The following ZNF491 variants were observed in gnomAD, a reference collection of about 807,000 sequenced individuals.
ZNF491 encodes zinc finger protein 491.
Under a neutral mutation model 34.7 loss-of-function variants are expected in ZNF491, and 22 were observed. The ratio of observed to expected loss-of-function variants is 0.63; its 90% CI spans 0.45 to 0.90. The LOEUF is 0.90. Ranked by LOEUF, ZNF491 falls within the 40% of genes least tolerant of loss-of-function variation. The pLI is 0.00. For missense variants in ZNF491, 559 were observed against 531.7 expected (o/e 1.05, Z -0.51); for synonymous variants, 148 against 174.3 (o/e 0.85, Z 1.19).
chr19:11,807,227 A>C lies in ZNF491; in HGVS notation c.1274A>C (p.Tyr425Ser). The change falls in exon 3 of 3, where the codon TAC (tyrosine) becomes TCC (serine). Residue 425 changes from tyrosine to serine, a missense_variant. Physicochemically the swap from Tyr to Ser is moderately radical, Grantham distance 144. Transcript: ENST00000323169. Reference sequence around the variant, plus strand: ...GGGAAAGCCTTCATTCGTTCCAGTTACTGTCGAAAACATGAAAGAACTCAC... The same window carrying C: ...GGGAAAGCCTTCATTCGTTCCAGTTCCTGTCGAAAACATGAAAGAACTCAC... ...ECGKAFIRSSYCRKHERTHTI... is the reference protein window; with the variant it reads ...ECGKAFIRSSSCRKHERTHTI... 1 of 1,562,716 alleles carries C rather than the reference A, an allele frequency of 6.4e-7. No homozygotes were observed.
In ZNF491 at chr19:11,799,897, A is replaced by C. The variant is rs375961954; in HGVS notation, c.-134+1170A>C. Among the ~76,000 whole-genome samples, 8 of 151,474 alleles carry C rather than the reference A, an allele frequency of 5.3e-5. No individual in the cohort carries two copies. The East Asian group carries it at 1.2e-3, about 22-fold the overall frequency. On this transcript the variant is annotated intron_variant, in intron 1 of 2. Coordinates refer to ENST00000323169, the MANE Select transcript of ZNF491 (RefSeq NM_152356.4). ...GCGTGAGCCGAGATGGTGCCACTGCACTCCAGCCTGGCGACAGAGCGAGAC... is the reference window on the plus strand; with the variant it reads ...GCGTGAGCCGAGATGGTGCCACTGCCCTCCAGCCTGGCGACAGAGCGAGAC...
At chr19:11,804,768 G>A (rs991114687) in intron 2 of ZNF491, 101 bp downstream of exon 2, 27 of 494,252 alleles carry the variant, frequency 5.5e-5, no homozygotes, top group African/African-American at 2.7e-4. Flanking sequence ...GCAATCCTTC[G>A]ATGAACAAAT....
At chr19:11,801,213 A>G (rs1445481620) in intron 1 of ZNF491, among the ~76,000 whole-genome samples, 2 of 152,162 alleles carry the variant, frequency 1.3e-5, no homozygotes, top group Admixed American at 1.3e-4. Context: ...AAAAAATTAT[A>G]TTTTGTTTAT....
At chr19:11,801,441 G>T (rs1975558572) in intron 1 of ZNF491, among the ~76,000 whole-genome samples, 1 of 152,040 alleles carries the variant, frequency 6.6e-6, no homozygotes, top group African/African-American at 2.4e-5. Context: ...TGGATCATGA[G>T]GTCAGGAGTT....
Position 11,807,286 on chromosome 19 carries a change from ATTTT to A in ZNF491, c.*21_*24del, listed in dbSNP as rs1975630114. 1 of 1,485,590 alleles carries A rather than the reference ATTTT, an allele frequency of 6.7e-7. No homozygotes were observed. 92.0% of individuals were successfully genotyped at this position (1,485,590 alleles called of 1,614,324 possible). On this transcript the variant is annotated 3_prime_UTR_variant, in exon 3 of 3. Coordinates refer to ENST00000323169, the MANE Select transcript of ZNF491 (RefSeq NM_152356.4). ...TATATGAGAGAAATGCTATTTTTTAATTTTTATTTTAATAGAGACAGGGTCTCAC... is the reference window on the plus strand; with the variant it reads ...TATATGAGAGAAATGCTATTTTTTAATATTTTAATAGAGACAGGGTCTCAC...
At position 11,806,161 on chromosome 19, in the gene ZNF491, T is replaced by A. The variant is rs1263871391; in HGVS notation, c.208T>A (p.Phe70Ile). 5 of 1,613,978 alleles carry A rather than the reference T, an allele frequency of 3.1e-6. No homozygotes were observed. In the South Asian group the frequency reaches 4.4e-5, roughly 14 times the overall value. Reference protein sequence around the residue: ...TGHQPHKCQKFLEKPYKHKQR... With the variant: ...TGHQPHKCQKILEKPYKHKQR... ...ACACCAACCACATAAGTGTCAGAAATTTTTAGAGAAGCCATATAAACATAA... is the reference window on the plus strand; with the variant it reads ...ACACCAACCACATAAGTGTCAGAAAATTTTAGAGAAGCCATATAAACATAA... Residue 70 changes from phenylalanine to isoleucine, a missense_variant, in exon 3 of 3, where the codon TTT becomes ATT. Coordinates refer to ENST00000323169, the MANE Select transcript of ZNF491 (RefSeq NM_152356.4).
intron 1 of ZNF491, among the ~76,000 whole-genome samples, chr19:11,799,702 G>C (rs1045022537): frequency 6.6e-6 from 1 of 152,026 alleles, no homozygotes; most frequent in Non-Finnish European, 1.5e-5. Context: ...TTGGGAGGCC[G>C]AGGCGGGCGG....
At chr19:11,802,701 C>T (rs1377558427) in intron 1 of ZNF491, among the ~76,000 whole-genome samples, 2 of 152,118 alleles carry the variant, frequency 1.3e-5, no homozygotes, top group Non-Finnish European at 2.9e-5. Context: ...TGGTGAGATC[C>T]CATGCAAAAT....
Position 11,798,553 on chromosome 19 carries a change from A to C in ZNF491, c.-308A>C, listed in dbSNP as rs996519595. On this transcript the variant is annotated 5_prime_UTR_variant, in exon 1 of 3. Coordinates refer to ENST00000323169, the MANE Select transcript of ZNF491 (RefSeq NM_152356.4). This position sits in a 1 kb window ranked among gnomAD's most constrained non-coding sequence, Gnocchi z 4.0. ...TCAATCCGGGGAAGCAGAAGGCCGC[A>C]CTCAGAGTCTCTGCACTCCTTTGTT... 1.3e-5 allele frequency: 2 copies of C among 152,274 alleles called. No individual in the cohort carries two copies. The highest frequency in any genetic ancestry group is 2.9e-5 in the Non-Finnish European group (2 of 68,156). The allele number at this position is 152,274 out of a possible 1,614,324, so 9.4% of individuals were successfully genotyped here.
chr19:11,805,906 T>A (rs1466841777), intron 2 of ZNF491, 41 bp from the exon 3 acceptor site: 1 of 1,452,250 alleles, frequency 6.9e-7, no homozygotes. Context: ...TTAAATCGCT[T>A]ATAAACAGAC....
In ZNF491 at chr19:11,798,557, A is replaced by T. The variant is rs977115295; in HGVS notation, c.-304A>T. On this transcript the variant is annotated 5_prime_UTR_variant, in exon 1 of 3. Coordinates refer to ENST00000323169, the MANE Select transcript of ZNF491 (RefSeq NM_152356.4). The surrounding 1 kb of genome is among the most constrained non-coding windows in gnomAD (Gnocchi z 4.0). ...TCCGGGGAAGCAGAAGGCCGCACTC[A>T]GAGTCTCTGCACTCCTTTGTTGCTG... is the stretch of plus-strand genomic sequence containing the variant. 3 of 152,446 alleles carry T rather than the reference A, an allele frequency of 2.0e-5. No homozygotes were observed. The highest frequency in any genetic ancestry group is 7.2e-5 in the African/African-American group (3 of 41,562). The allele number at this position is 152,446 out of a possible 1,614,324, so 9.4% of individuals were successfully genotyped here.
Position 11,807,130 on chromosome 19 carries a change from A to G in ZNF491, c.1177A>G (p.Thr393Ala). The change falls in exon 3 of 3, where the codon ACT (threonine) becomes GCT (alanine). Residue 393 changes from threonine (T) to alanine (A), a missense_variant. Coordinates refer to ENST00000323169, the MANE Select transcript of ZNF491 (RefSeq NM_152356.4). ...YECKHCGKAF[T>A]CSIYIRIHER... Reference sequence around the variant, plus strand: ...ATGTAAGCATTGTGGGAAAGCCTTCACTTGTTCCATATATATTAGAATACA... The same window carrying G: ...ATGTAAGCATTGTGGGAAAGCCTTCGCTTGTTCCATATATATTAGAATACA... 1 of 1,612,590 alleles carries G rather than the reference A, an allele frequency of 6.2e-7. No individual in the cohort carries two copies. Among genetic ancestry groups the G allele is most frequent in the East Asian group, 2.2e-5 (1 of 44,826 alleles).
chr19:11,801,041 A>G (rs1282689768), intron 1 of ZNF491, among the ~76,000 whole-genome samples: 1 of 151,426 alleles, frequency 6.6e-6, no homozygotes, highest in African/African-American at 2.4e-5. Context: ...TTTCCTCAAA[A>G]AAACAAAAAC....
chr19:11,804,736 C>A, intron 2 of ZNF491, 69 bp downstream of exon 2: 3 of 837,026 alleles, frequency 3.6e-6, no homozygotes, highest in South Asian at 3.0e-5. Context: ...CAGTGCTATT[C>A]AGGGATTTGG....
chr19:11,804,285 T>C (rs1422450837), intron 1 of ZNF491, among the ~76,000 whole-genome samples: 1 of 144,980 alleles, frequency 6.9e-6, no homozygotes, highest in African/African-American at 2.5e-5. Context: ...ATGAACTCCA[T>C]CCTCTTGCTG....
intron 1 of ZNF491, among the ~76,000 whole-genome samples, chr19:11,799,435 G>T (rs1266459844): frequency 6.6e-6 from 1 of 151,006 alleles, no homozygotes; most frequent in Non-Finnish European, 1.5e-5. Flanking sequence ...TTTATACAAG[G>T]CTAGTTTGTG....
Position 11,804,209 on chromosome 19 carries a change from A to C in ZNF491, c.-133-333A>C, listed in dbSNP as rs375692906. Among the ~76,000 whole-genome samples, 783 of 109,340 alleles carry C rather than the reference A, an allele frequency of 7.2e-3. 26 individuals carry two copies. Among genetic ancestry groups the C allele is most frequent in the Middle Eastern group, 0.02 (5 of 252 alleles). The allele number at this position is 109,340 out of a possible 152,430, so 71.7% of individuals were successfully genotyped here. On this transcript the variant is annotated intron_variant, in intron 1 of 2. Coordinates refer to ENST00000323169, the MANE Select transcript of ZNF491 (RefSeq NM_152356.4). ...CAGAGTGAGGCCCCATCTCAGACAA[A>C]AAAAAAAAAAAAAAAAAAAAAGATC...
At chr19:11,804,206 C>T (rs1336366195) in intron 1 of ZNF491, among the ~76,000 whole-genome samples, 1 of 69,444 alleles carries the variant, frequency 1.4e-5, no homozygotes, top group Non-Finnish European at 2.6e-5. Context: ...CCATCTCAGA[C>T]AAAAAAAAAA....
chr19:11,802,122 C>T (rs987609960), intron 1 of ZNF491, among the ~76,000 whole-genome samples: 7 of 152,066 alleles, frequency 4.6e-5, no homozygotes, highest in Admixed American at 1.3e-4. Flanking sequence ...ACCCAGCCAT[C>T]GATGGTTTTC....
Sources: allele counts gnomAD v4.1 joint callset (sites outside exome capture counted in the v4.1 genomes callset), GRCh38; gene constraint gnomAD v4.1.1; non-coding constraint Gnocchi (gnomAD v3.1); transcripts MANE v1.5; gene names NCBI Gene and HGNC (gene_info 2026-07-23, HGNC 2026-07-21).